MRPS28: variants seen among roughly 807,000 people sequenced by gnomAD.
The protein encoded by MRPS28 is mitochondrial ribosomal protein S28.
MRPS28 carries 7 observed loss-of-function variants against 10.8 expected under a neutral mutation model. The observed-to-expected ratio is 0.65, with a 90% CI of 0.37 to 1.22. The LOEUF (loss-of-function observed/expected upper bound fraction) is 1.22. Ranked by LOEUF, MRPS28 falls within the 50% of genes most tolerant of loss-of-function variation. The pLI is 0.02. For missense variants in MRPS28, 265 were observed against 232.9 expected, an observed-to-expected ratio of 1.14 and a Z score of -0.90; for synonymous variants, 121 against 93.3, an observed-to-expected ratio of 1.30 and a Z score of -1.71.
chr8:79,974,758 C>G (rs1443636369), intron 2 of MRPS28, among the ~76,000 whole-genome samples: 12 of 152,094 alleles, frequency 7.9e-5, no homozygotes, highest in Admixed American at 2.6e-4. Flanking sequence ...CCATGACTAA[C>G]TTCAGATACG....
chr8:79,949,716 T>A (rs1003085325), intron 2 of MRPS28, among the ~76,000 whole-genome samples: 2 of 152,184 alleles, frequency 1.3e-5, no homozygotes, highest in African/African-American at 4.8e-5. Context: ...TAACTTTTTT[T>A]AGATGTCAAT....
intron 2 of MRPS28, among the ~76,000 whole-genome samples, chr8:79,930,874 C>T (rs532467628): frequency 6.6e-6 from 1 of 152,288 alleles, no homozygotes; most frequent in African/African-American, 2.4e-5. Flanking sequence ...AAAAAGTACA[C>T]ACTTCAGAAT....
chr8:79,920,317 G>T (rs1433135920), intron 2 of MRPS28, among the ~76,000 whole-genome samples: 3 of 152,112 alleles, frequency 2.0e-5, no homozygotes, highest in Admixed American at 2.0e-4. Flanking sequence ...GTAATGAGAT[G>T]GCTGGGTCAA....
At chr8:80,010,297 C>A (rs920106615) in intron 1 of MRPS28, among the ~76,000 whole-genome samples, 1 of 152,340 alleles carries the variant, frequency 6.6e-6, no homozygotes, top group Non-Finnish European at 1.5e-5. Flanking sequence ...ACAATTTGAT[C>A]TGACGACCTA....
At chr8:79,958,933 TG>T (rs1807300248) in intron 2 of MRPS28, among the ~76,000 whole-genome samples, 1 of 152,124 alleles carries the variant, frequency 6.6e-6, no homozygotes, top group Non-Finnish European at 1.5e-5. Context: ...AAGATAGACA[TG>T]GGGTTACAAT....
chr8:79,999,003 C>T (rs897962634), intron 2 of MRPS28, among the ~76,000 whole-genome samples: 4 of 152,034 alleles, frequency 2.6e-5, no homozygotes, highest in South Asian at 4.1e-4. Flanking sequence ...CCTAAAGTAG[C>T]ATTATTCAAC....
intron 1 of MRPS28, among the ~76,000 whole-genome samples, chr8:80,023,651 T>A (rs184559521): frequency 6.6e-6 from 1 of 152,224 alleles, no homozygotes; most frequent in Non-Finnish European, 1.5e-5. Flanking sequence ...AATTTAAAAT[T>A]TGAGTAAAAT....
At chr8:79,972,806 T>C (rs556006520) in intron 2 of MRPS28, among the ~76,000 whole-genome samples, 8 of 152,344 alleles carry the variant, frequency 5.3e-5, no homozygotes, top group African/African-American at 2.4e-5. Flanking sequence ...GATTACAGTA[T>C]AGTGAATATT....
intron 2 of MRPS28, among the ~76,000 whole-genome samples, chr8:79,981,780 C>T (rs1367947058): frequency 6.6e-6 from 1 of 152,176 alleles, no homozygotes; most frequent in Non-Finnish European, 1.5e-5. Context: ...GAAATCACAT[C>T]AAGGAAGGAT....
chr8:80,011,139 T>A (rs61610402), intron 1 of MRPS28, among the ~76,000 whole-genome samples: 4,822 of 148,156 alleles, frequency 0.033, 203 homozygotes, highest in African/African-American at 0.087. Context: ...TTTTTTATTT[T>A]TATTTTTTTT....
chr8:79,940,138 G>A (rs6999717), intron 2 of MRPS28, among the ~76,000 whole-genome samples: 2,824 of 152,020 alleles, frequency 0.019, 97 homozygotes, highest in African/African-American at 0.064. Flanking sequence ...CTTATATTAG[G>A]GGTAAGATTA....
At chr8:80,022,318 CCA>C (rs2130244249) in intron 1 of MRPS28, among the ~76,000 whole-genome samples, 1 of 152,176 alleles carries the variant, frequency 6.6e-6, no homozygotes, top group Admixed American at 6.5e-5. Flanking sequence ...TAAGGATGTA[CCA>C]CAGTTTGTTT....
chr8:79,932,577 T>G (rs191023782), intron 2 of MRPS28, among the ~76,000 whole-genome samples: 2 of 152,286 alleles, frequency 1.3e-5, no homozygotes, highest in African/African-American at 4.8e-5. Context: ...TGGGGTTTCT[T>G]TTAGGTGCTC....
In MRPS28 at chr8:79,927,929, C is replaced by T. The variant is rs149881631; in HGVS notation, c.396-8781G>A. On this transcript the variant is annotated intron_variant, in intron 2 of 2. Transcript: ENST00000276585. ...TCCAGAGTGCTTTAAATAGCCTTTT[C>T]TGTAGGACAAGAACCAGGGTCAACC... Among the ~76,000 whole-genome samples, 1,281 of 152,262 alleles carry T rather than the reference C, an allele frequency of 8.4e-3. 19 individuals carry two copies. The highest frequency in any genetic ancestry group is 0.029 in the African/African-American group (1,200 of 41,548).
intron 2 of MRPS28, among the ~76,000 whole-genome samples, chr8:79,976,733 A>G (rs1381391692): frequency 6.6e-6 from 1 of 152,168 alleles, no homozygotes; most frequent in Non-Finnish European, 1.5e-5. Flanking sequence ...AAAGAAAAAC[A>G]AAAAGAAAAT....
intron 2 of MRPS28, among the ~76,000 whole-genome samples, chr8:79,948,974 CATT>C (rs1160651763): frequency 2.0e-5 from 3 of 152,114 alleles, no homozygotes; most frequent in African/African-American, 7.2e-5. Flanking sequence ...TTTCTGCTAT[CATT>C]ATGAGTCAAT....
At chr8:80,010,089 T>C (rs1253354477) in intron 1 of MRPS28, among the ~76,000 whole-genome samples, 1 of 152,242 alleles carries the variant, frequency 6.6e-6, no homozygotes, top group African/African-American at 2.4e-5. Flanking sequence ...TCTTTTTACA[T>C]ATTGAATTCA....
intron 2 of MRPS28, chr8:79,958,257 A>G (rs1309533743): frequency 3.3e-6 from 2 of 610,930 alleles, no homozygotes; most frequent in African/African-American, 3.8e-5. Context: ...GGAATCATAC[A>G]ATATATGATC....
At chr8:79,971,171 A>G (rs1178243374) in intron 2 of MRPS28, among the ~76,000 whole-genome samples, 1 of 152,140 alleles carries the variant, frequency 6.6e-6, no homozygotes, top group Non-Finnish European at 1.5e-5. Context: ...CAAAATTTAA[A>G]TAATGGATTT....
Sources: gnomAD v4.1 joint callset for allele counts (sites outside exome capture counted in the v4.1 genomes callset) on GRCh38, gnomAD v4.1.1 for gene constraint, MANE v1.5 for transcripts, NCBI Gene and HGNC (gene_info 2026-07-23, HGNC 2026-07-21) for gene names.